Variants in ST8SIA4 observed in about 807,000 individuals in gnomAD.
The protein encoded by ST8SIA4 is ST8 alpha-N-acetyl-neuraminide alpha-2,8-sialyltransferase 4.
In ST8SIA4, 15 loss-of-function variants were observed where a neutral mutation model predicts 33.9. The ratio of observed to expected loss-of-function variants is 0.44; its 90% CI spans 0.30 to 0.68. The LOEUF (loss-of-function observed/expected upper bound fraction) is 0.68, where lower values mean the gene tolerates loss of function less well. Ranked by LOEUF, ST8SIA4 falls within the 30% of genes least tolerant of loss-of-function variation. ST8SIA4 has a pLI of 0.10. For missense variants in ST8SIA4, 321 were observed against 428.0 expected (o/e 0.75, Z 2.21); for synonymous variants, 171 against 151.2 (o/e 1.13, Z -0.96).
intron 4 of ST8SIA4, among the ~76,000 whole-genome samples, chr5:100,817,811 T>C (rs973964156): frequency 2.0e-5 from 3 of 152,152 alleles, no homozygotes; most frequent in Non-Finnish European, 2.9e-5. Flanking sequence ...AGACAGACAA[T>C]AAGTGATAGA....
chr5:100,895,780 C>T lies in ST8SIA4; in HGVS notation c.119G>A (p.Gly40Asp), dbSNP rs1433149057. The change falls in exon 2 of 5, where the codon GGT becomes GAT. Residue 40 changes from glycine to aspartate, a missense_variant. Coordinates refer to ENST00000231461, the MANE Select transcript of ST8SIA4 (RefSeq NM_005668.6). ...AAGTGACCGACTCAAAGACAATTCA[C>T]CATCTCTGAAACAAAACAAAATTGC... ...EHQETQLIGDGELSLSRSLVN... is the reference protein window; with the variant it reads ...EHQETQLIGDDELSLSRSLVN... 2 of 1,612,038 alleles carry T rather than the reference C, an allele frequency of 1.2e-6. No individual in the cohort carries two copies. The highest frequency in any genetic ancestry group is 1.7e-6 in the Non-Finnish European group (2 of 1,178,732).
At chr5:100,891,760 T>G (rs1272838285) in intron 2 of ST8SIA4, among the ~76,000 whole-genome samples, 1 of 151,970 alleles carries the variant, frequency 6.6e-6, no homozygotes, top group Non-Finnish European at 1.5e-5. Context: ...AATATATTCT[T>G]AACAAAATTA....
chr5:100,878,445 G>T (rs931959982), intron 3 of ST8SIA4, among the ~76,000 whole-genome samples: 1 of 152,086 alleles, frequency 6.6e-6, no homozygotes, highest in Non-Finnish European at 1.5e-5. Flanking sequence ...TCAAAGTGCT[G>T]GGATTACAAG....
At chr5:100,894,366 A>T (rs1752735722) in intron 2 of ST8SIA4, among the ~76,000 whole-genome samples, 1 of 152,076 alleles carries the variant, frequency 6.6e-6, no homozygotes, top group Non-Finnish European at 1.5e-5. Flanking sequence ...TATTCTACCC[A>T]GAAGTCATTG....
rs11584 is a variant in ST8SIA4, at chr5:100,809,684, A to C, written c.*2163T>G. 0.58 allele frequency: 87,449 copies of C among 151,882 alleles called. 25,837 individuals carry two copies. The highest frequency in any genetic ancestry group is 0.73 in the South Asian group (3,510 of 4,818). The allele number at this position is 151,882 out of a possible 1,614,324, so 9.4% of individuals were successfully genotyped here. On this transcript the variant is annotated 3_prime_UTR_variant, in exon 5 of 5. Coordinates refer to ENST00000231461, the MANE Select transcript of ST8SIA4 (RefSeq NM_005668.6). ...TTTTATAAATCACTTTCAATTTATT[A>C]AGTAAACCAGACTTTTCAACTTTAC...
chr5:100,856,820 T>C (rs1429319264), intron 3 of ST8SIA4, among the ~76,000 whole-genome samples: 3 of 152,208 alleles, frequency 2.0e-5, no homozygotes, highest in Admixed American at 1.3e-4. Context: ...TCTGCACCAC[T>C]TGTAAAGCTT....
intron 3 of ST8SIA4, among the ~76,000 whole-genome samples, chr5:100,858,101 G>A (rs904229457): frequency 1.3e-5 from 2 of 151,974 alleles, no homozygotes; most frequent in Admixed American, 1.3e-4. Flanking sequence ...GGAACTCAAG[G>A]AAGATCAAGG....
intron 4 of ST8SIA4, among the ~76,000 whole-genome samples, chr5:100,820,192 A>G (rs917142319): frequency 2.0e-5 from 3 of 152,172 alleles, no homozygotes; most frequent in African/African-American, 7.2e-5. Context: ...TATATGGTCA[A>G]AAGCAGTATG....
At chr5:100,891,449 T>C (rs1752662939) in intron 2 of ST8SIA4, among the ~76,000 whole-genome samples, 1 of 152,086 alleles carries the variant, frequency 6.6e-6, no homozygotes, top group African/African-American at 2.4e-5. Flanking sequence ...GCAACTTGTC[T>C]TAAAGCTCTG....
chr5:100,894,267 C>CT (rs1408786749), intron 2 of ST8SIA4, among the ~76,000 whole-genome samples: 1 of 152,042 alleles, frequency 6.6e-6, no homozygotes, highest in Non-Finnish European at 1.5e-5. Flanking sequence ...GAAATCTGTA[C>CT]TTTTATTTTA....
chr5:100,834,565 A>G (rs1751326337), intron 4 of ST8SIA4, among the ~76,000 whole-genome samples: 1 of 151,964 alleles, frequency 6.6e-6, no homozygotes, highest in South Asian at 2.1e-4. Flanking sequence ...TGATTCAGTG[A>G]TATAATCTGG....
At chr5:100,823,164 A>AAACAAACAAAC (rs561050174) in intron 4 of ST8SIA4, among the ~76,000 whole-genome samples, 8 of 138,276 alleles carry the variant, frequency 5.8e-5, no homozygotes, top group Non-Finnish European at 9.4e-5. Context: ...AACAAACAAA[A>AAACAAACAAAC]AAACCCCACC....
At chr5:100,856,433 A>C in intron 3 of ST8SIA4, 37 bp from the exon 4 acceptor site, 2 of 1,554,540 alleles carry the variant, frequency 1.3e-6, no homozygotes, top group Non-Finnish European at 8.7e-7. Context: ...AATGAAAAAA[A>C]AAGAAATATT....
intron 4 of ST8SIA4, among the ~76,000 whole-genome samples, chr5:100,841,191 C>T (rs1180245925): frequency 6.6e-6 from 1 of 151,816 alleles, no homozygotes; most frequent in African/African-American, 2.4e-5. Context: ...GCCTTCCATG[C>T]CCTTCTAGAA....
intron 1 of ST8SIA4, 137 bp from the exon 2 acceptor site, chr5:100,895,922 G>A: frequency 1.2e-6 from 1 of 826,868 alleles, no homozygotes; most frequent in Non-Finnish European, 1.8e-6. Context: ...AAATACGCAA[G>A]CATGATGAAA....
intron 4 of ST8SIA4, among the ~76,000 whole-genome samples, chr5:100,813,331 T>C (rs976976463): frequency 1.3e-5 from 2 of 152,070 alleles, no homozygotes; most frequent in Admixed American, 6.5e-5. Context: ...TAATTCTATA[T>C]TTTGTCTTTC....
intron 4 of ST8SIA4, among the ~76,000 whole-genome samples, chr5:100,839,199 A>G (rs1230665434): frequency 6.6e-6 from 1 of 151,954 alleles, no homozygotes; most frequent in African/African-American, 2.4e-5. Flanking sequence ...TATGATATGA[A>G]TTTCACTTGT....
At chr5:100,872,276 G>T (rs1405950184) in intron 3 of ST8SIA4, among the ~76,000 whole-genome samples, 2 of 151,970 alleles carry the variant, frequency 1.3e-5, no homozygotes, top group East Asian at 3.9e-4. Context: ...ATTATATAAT[G>T]ATCAAATCAA....
chr5:100,823,229 A>G (rs948714752), intron 4 of ST8SIA4, among the ~76,000 whole-genome samples: 13 of 152,190 alleles, frequency 8.5e-5, no homozygotes, highest in African/African-American at 2.9e-4. Context: ...CTACACTCCC[A>G]CAAGGGCCAT....
Sources: allele counts gnomAD v4.1 joint callset (sites outside exome capture counted in the v4.1 genomes callset), GRCh38; gene constraint gnomAD v4.1.1; transcripts MANE v1.5; gene names NCBI Gene and HGNC (gene_info 2026-07-23, HGNC 2026-07-21).